Variants in FAM81A observed in about 807,000 individuals in gnomAD.
FAM81A encodes the protein protein FAM81A.
FAM81A carries 19 observed loss-of-function variants against 46.7 expected under a neutral mutation model. The ratio of observed to expected loss-of-function variants is 0.41; its 90% confidence interval spans 0.28 to 0.60. FAM81A has a LOEUF of 0.60. FAM81A is among the 20% of genes least tolerant of loss of function. The probability of loss-of-function intolerance (pLI) is 0.34; values close to 1 mark genes in which losing one functional copy is unlikely to be tolerated. For synonymous variants in FAM81A, 183 were observed against 152.9 expected (o/e 1.20, Z -1.45); for missense variants, 377 against 453.5 (o/e 0.83, Z 1.53).
At chr15:59,480,062 G>A (rs1299056545) in intron 3 of FAM81A, among the ~76,000 whole-genome samples, 1 of 152,162 alleles carries the variant, frequency 6.6e-6, no homozygotes, top group Non-Finnish European at 1.5e-5. Context: ...GAGATGGGGA[G>A]AAGATGGATT....
chr15:59,409,625 C>G (rs529489033), intron 2 of FAM81A, among the ~76,000 whole-genome samples: 1 of 152,228 alleles, frequency 6.6e-6, no homozygotes, highest in South Asian at 2.1e-4. Context: ...TGAAAAAAAG[C>G]CAGTTTTCGA....
At chr15:59,491,368 A>G (rs1252131540) in intron 3 of FAM81A, among the ~76,000 whole-genome samples, 1 of 152,188 alleles carries the variant, frequency 6.6e-6, no homozygotes, top group Non-Finnish European at 1.5e-5. Flanking sequence ...TAAAAATTAA[A>G]ACAATTGAAC....
intron 3 of FAM81A, among the ~76,000 whole-genome samples, chr15:59,462,340 C>A (rs1377770550): frequency 1.3e-5 from 2 of 151,856 alleles, no homozygotes; most frequent in Non-Finnish European, 2.9e-5. Flanking sequence ...TTATTATAGT[C>A]ATTCTAATGG....
chr15:59,509,424 G>A (rs1314041662), intron 6 of FAM81A, among the ~76,000 whole-genome samples: 2 of 152,154 alleles, frequency 1.3e-5, no homozygotes, highest in Non-Finnish European at 2.9e-5. Flanking sequence ...TGGAAGTTGC[G>A]AATATATTAC....
chr15:59,404,564 C>T lies in FAM81A; in HGVS notation c.-78+2206C>T, dbSNP rs148084276. ...TAGCCTCCAACTCCTGGGCTCAAGC[C>T]GTCCTCCTACCTCAGCCTCCTGATT... On this transcript the variant is annotated intron_variant, in intron 2 of 4. Coordinates refer to the FAM81A transcript ENST00000558348. 2.8e-4 allele frequency among the ~76,000 whole-genome samples: 43 copies of T among 152,152 alleles called. No homozygotes were observed. In the East Asian group the frequency reaches 5.0e-3, roughly 18 times the overall value.
At chr15:59,405,734 G>T (rs1263538060) in intron 2 of FAM81A, among the ~76,000 whole-genome samples, 1 of 152,134 alleles carries the variant, frequency 6.6e-6, no homozygotes, top group East Asian at 1.9e-4. Flanking sequence ...CACACACAAG[G>T]AGAGAACAAA....
chr15:59,505,087 TC>T (rs1307712913), intron 4 of FAM81A, among the ~76,000 whole-genome samples: 1 of 152,200 alleles, frequency 6.6e-6, no homozygotes, highest in Admixed American at 6.5e-5. Flanking sequence ...TATGTTAACA[TC>T]CCTCTATTTG....
At chr15:59,422,812 A>G (rs1047442674) in intron 2 of FAM81A, among the ~76,000 whole-genome samples, 1 of 152,222 alleles carries the variant, frequency 6.6e-6, no homozygotes. Flanking sequence ...AACATAGTTA[A>G]ATGAAATCTG....
chr15:59,468,117 T>G (rs901460654), intron 3 of FAM81A, among the ~76,000 whole-genome samples: 7 of 152,194 alleles, frequency 4.6e-5, no homozygotes, highest in Non-Finnish European at 4.4e-5. Context: ...TTGCCAGTAT[T>G]TTATTGAGGA....
Position 59,516,721 on chromosome 15 carries a change from A to T in FAM81A, c.863A>T (p.Lys288Met). The T allele has an allele frequency of 6.2e-7, 1 of 1,613,860 alleles. No individual in the cohort carries two copies. The highest frequency in any genetic ancestry group is 1.1e-5 in the South Asian group (1 of 91,072). Residue 288 changes from lysine to methionine, a missense_variant, in exon 8 of 9, where the codon AAG becomes ATG. By Grantham distance (95) the Lys-to-Met change is moderately conservative. Coordinates refer to ENST00000288228, the MANE Select transcript of FAM81A (RefSeq NM_152450.3). ...CTTGACAAAATAGAAGAGGGTCAAA[A>T]GAAGACTTTTGATGGTCAGAGAACA... The part of the protein sequence containing the change: ...ARLDKIEEGQ[K>M]KTFDGQRTRQ...
Position 59,414,512 on chromosome 15 carries a change from A to G in FAM81A, c.-78+12154A>G, listed in dbSNP as rs1224705942. ...GGAGGAGGTATGTAGGCAATTTAGG[A>G]GAGAGTAAGTGATTTTGGAATAAAA... On this transcript the variant is annotated intron_variant, in intron 2 of 4. Coordinates refer to the FAM81A transcript ENST00000558348. Among the ~76,000 whole-genome samples, 3 of 152,248 alleles carry G rather than the reference A, an allele frequency of 2.0e-5. No individual in the cohort carries two copies. In the East Asian group the frequency reaches 5.8e-4, roughly 29 times the overall value.
intron 3 of FAM81A, among the ~76,000 whole-genome samples, chr15:59,483,230 G>A (rs2081876473): frequency 6.6e-6 from 1 of 152,004 alleles, no homozygotes; most frequent in African/African-American, 2.4e-5. Context: ...TAGAGACGGG[G>A]GTTTCACCAT....
At chr15:59,491,187 A>T (rs1386293699) in intron 3 of FAM81A, among the ~76,000 whole-genome samples, 2 of 152,242 alleles carry the variant, frequency 1.3e-5, no homozygotes, top group Non-Finnish European at 2.9e-5. Flanking sequence ...AGGCAAATGG[A>T]TAAAGAAGTG....
At chr15:59,465,121 G>A (rs543273319) in intron 3 of FAM81A, among the ~76,000 whole-genome samples, 201 of 152,274 alleles carry the variant, frequency 1.3e-3, no homozygotes, top group Non-Finnish European at 2.4e-3. Context: ...TCAGATGGCT[G>A]TAGATACGTG....
intron 4 of FAM81A, among the ~76,000 whole-genome samples, chr15:59,500,236 A>G (rs2082077190): frequency 6.6e-6 from 1 of 152,022 alleles, no homozygotes; most frequent in Non-Finnish European, 1.5e-5. Flanking sequence ...AATGTTTTTC[A>G]TAACATTTTG....
chr15:59,433,046 G>A (rs2081227585), intron 2 of FAM81A, among the ~76,000 whole-genome samples: 1 of 149,612 alleles, frequency 6.7e-6, no homozygotes, highest in African/African-American at 2.5e-5. Context: ...GGAGGCTGAG[G>A]CAGGAGAATG....
intron 3 of FAM81A, among the ~76,000 whole-genome samples, chr15:59,472,726 T>C (rs1250038668): frequency 2.7e-5 from 4 of 147,186 alleles, no homozygotes; most frequent in African/African-American, 5.4e-5. Flanking sequence ...AATTATTTTA[T>C]TTTTTGTAGA....
At chr15:59,520,514 A>G (rs571432028) in intron 8 of FAM81A, among the ~76,000 whole-genome samples, 88 of 151,456 alleles carry the variant, frequency 5.8e-4, no homozygotes, top group African/African-American at 2.1e-3. Context: ...AAAGAATACC[A>G]GCCAGCCAGC....
chr15:59,421,484 T>C (rs1596463968), intron 2 of FAM81A, among the ~76,000 whole-genome samples: 3 of 152,144 alleles, frequency 2.0e-5, no homozygotes, highest in East Asian at 1.9e-4. Context: ...GCTTAAGACT[T>C]CCCCCAAGTC....
Sources: allele counts gnomAD v4.1 joint callset (sites outside exome capture counted in the v4.1 genomes callset), GRCh38; gene constraint gnomAD v4.1.1; transcripts MANE v1.5; gene names NCBI Gene and HGNC (gene_info 2026-07-23, HGNC 2026-07-21).